The following FHIT variants were observed in gnomAD, a reference collection of about 807,000 sequenced individuals.
FHIT encodes bis(5'-adenosyl)-triphosphatase.
In FHIT, 19 loss-of-function variants were observed where a neutral mutation model predicts 17.9. The observed-to-expected ratio is 1.06, with a 90% CI of 0.74 to 1.56. The LOEUF (loss-of-function observed/expected upper bound fraction) is 1.56. Among genes scored for constraint, FHIT ranks in the 40% most tolerant of loss-of-function variants. FHIT has a pLI of 0.00. For missense variants in FHIT, 248 were observed against 189.2 expected, an observed-to-expected ratio of 1.31 and a Z score of -1.82; for synonymous variants, 81 against 69.7, an observed-to-expected ratio of 1.16 and a Z score of -0.81.
At chr3:60,928,235 C>G (rs1439309497) in intron 3 of FHIT, among the ~76,000 whole-genome samples, 8 of 151,644 alleles carry the variant, frequency 5.3e-5, no homozygotes, top group African/African-American at 1.9e-4. Context: ...TATCTGCTGA[C>G]CTTCTCTCCA....
intron 4 of FHIT, among the ~76,000 whole-genome samples, chr3:60,779,316 C>A (rs1180440158): frequency 1.3e-5 from 2 of 152,166 alleles, no homozygotes; most frequent in Admixed American, 6.5e-5. Context: ...TTTAGACCAA[C>A]CCTGCTTGCT....
chr3:60,067,616 G>C (rs1044100607), intron 5 of FHIT, among the ~76,000 whole-genome samples: 1 of 152,156 alleles, frequency 6.6e-6, no homozygotes, highest in Non-Finnish European at 1.5e-5. Context: ...ATTGTTGTTT[G>C]GTGGATATTG....
intron 3 of FHIT, among the ~76,000 whole-genome samples, chr3:61,010,566 C>T (rs1230133199): frequency 6.6e-6 from 1 of 152,150 alleles, no homozygotes; most frequent in East Asian, 1.9e-4. Flanking sequence ...ACTAAACAAC[C>T]AACAGGGATC....
chr3:61,045,049 C>T (rs145704451), intron 2 of FHIT, among the ~76,000 whole-genome samples: 193 of 152,302 alleles, frequency 1.3e-3, no homozygotes, highest in African/African-American at 4.3e-3. Context: ...TAAAGACCAT[C>T]AATACTAGGA....
intron 4 of FHIT, among the ~76,000 whole-genome samples, chr3:60,640,736 C>T (rs1454432199): frequency 6.6e-6 from 1 of 152,138 alleles, no homozygotes; most frequent in Non-Finnish European, 1.5e-5. Context: ...GAAAATCAAA[C>T]ATGGACTATT....
At chr3:60,530,375 G>A (rs1305517887) in intron 5 of FHIT, among the ~76,000 whole-genome samples, 1 of 152,170 alleles carries the variant, frequency 6.6e-6, no homozygotes, top group Non-Finnish European at 1.5e-5. Flanking sequence ...CCAGGGCAAA[G>A]TGCACAAAGT....
intron 4 of FHIT, among the ~76,000 whole-genome samples, chr3:60,751,563 C>T (rs2042467427): frequency 1.3e-5 from 2 of 152,120 alleles, no homozygotes; most frequent in South Asian, 2.1e-4. Flanking sequence ...CAAAGAAATT[C>T]AAACAAAAAT....
At chr3:61,061,339 G>GT (rs1427449507) in intron 2 of FHIT, among the ~76,000 whole-genome samples, 1 of 152,020 alleles carries the variant, frequency 6.6e-6, no homozygotes, top group Non-Finnish European at 1.5e-5. Flanking sequence ...AAGTGCCTCT[G>GT]TGTTTCTCAT....
intron 3 of FHIT, among the ~76,000 whole-genome samples, chr3:61,037,207 G>C (rs556089996): frequency 7.2e-5 from 11 of 152,184 alleles, no homozygotes; most frequent in Admixed American, 1.3e-4. Flanking sequence ...CACCGTGCCC[G>C]GCCCAGTCTG....
At chr3:60,587,569 G>A (rs1412232038) in intron 4 of FHIT, among the ~76,000 whole-genome samples, 4 of 151,922 alleles carry the variant, frequency 2.6e-5, no homozygotes, top group African/African-American at 7.3e-5. Flanking sequence ...TATTCACCGG[G>A]ATAAAGAAAG....
At chr3:60,412,523 A>C (rs1702099970) in intron 5 of FHIT, among the ~76,000 whole-genome samples, 1 of 151,926 alleles carries the variant, frequency 6.6e-6, no homozygotes, top group Admixed American at 6.6e-5. Context: ...AGATAACTGG[A>C]ATTGTACTCA....
At chr3:60,403,504 A>G (rs1049362458) in intron 5 of FHIT, among the ~76,000 whole-genome samples, 4 of 152,126 alleles carry the variant, frequency 2.6e-5, no homozygotes, top group African/African-American at 9.7e-5. Context: ...TTTTCTCCCC[A>G]TAGGCCAGCC....
chr3:60,197,094 C>G (rs1027607170), intron 5 of FHIT, among the ~76,000 whole-genome samples: 1 of 152,136 alleles, frequency 6.6e-6, no homozygotes, highest in Admixed American at 6.5e-5. Flanking sequence ...TTTACTAATT[C>G]AAACTTTAAA....
chr3:60,829,782 C>T (rs1553741958), intron 3 of FHIT, among the ~76,000 whole-genome samples: 1 of 152,140 alleles, frequency 6.6e-6, no homozygotes, highest in African/African-American at 2.4e-5. Flanking sequence ...TCAGAATATG[C>T]CTCCCCACAA....
chr3:60,288,881 T>C (rs1024262480), intron 5 of FHIT, among the ~76,000 whole-genome samples: 3 of 152,128 alleles, frequency 2.0e-5, no homozygotes, highest in Admixed American at 6.5e-5. Context: ...TTGGGATACA[T>C]ATAATAACTG....
intron 3 of FHIT, among the ~76,000 whole-genome samples, chr3:61,027,123 G>T (rs1463954073): frequency 6.6e-6 from 1 of 152,054 alleles, no homozygotes; most frequent in Non-Finnish European, 1.5e-5. Context: ...GTCTGGCTCT[G>T]TTGCCCAGGC....
At chr3:60,265,414 A>G (rs1396125868) in intron 5 of FHIT, among the ~76,000 whole-genome samples, 1 of 152,026 alleles carries the variant, frequency 6.6e-6, no homozygotes, top group African/African-American at 2.4e-5. Flanking sequence ...ATATATAAAA[A>G]TTAACTCGAA....
intron 7 of FHIT, among the ~76,000 whole-genome samples, chr3:59,993,318 G>A (rs537056532): frequency 2.6e-5 from 4 of 152,052 alleles, no homozygotes; most frequent in Non-Finnish European, 5.9e-5. Flanking sequence ...CCTGGAGCTT[G>A]TAACAACATC....
chr3:60,408,085 C>T (rs1183315145), intron 5 of FHIT, among the ~76,000 whole-genome samples: 1 of 152,172 alleles, frequency 6.6e-6, no homozygotes, highest in African/African-American at 2.4e-5. Context: ...CCAGCACTCA[C>T]CATGTAACTT....
Sources: gnomAD v4.1 joint callset for allele counts (sites outside exome capture counted in the v4.1 genomes callset) on GRCh38, gnomAD v4.1.1 for gene constraint, MANE v1.5 for transcripts, NCBI Gene and HGNC (gene_info 2026-07-23, HGNC 2026-07-21) for gene names.